The following SYT16 variants were observed in gnomAD, a reference collection of about 807,000 sequenced individuals.
SYT16 encodes synaptotagmin 16, also known as synaptotagmin-16.
In SYT16, 42 loss-of-function variants were observed where a neutral mutation model predicts 61.4. The observed-to-expected ratio is 0.68, with a 90% CI of 0.53 to 0.89. SYT16 has a LOEUF of 0.89. SYT16 is among the 40% of genes least tolerant of loss of function. SYT16 has a pLI of 0.00. For synonymous variants in SYT16, 314 were observed against 302.3 expected, an observed-to-expected ratio of 1.04 and a Z score of -0.40; for missense variants, 804 against 807.3, an observed-to-expected ratio of 1.00 and a Z score of 0.05.
intron 1 of SYT16, among the ~76,000 whole-genome samples, chr14:61,884,806 T>C (rs928009035): frequency 2.0e-5 from 3 of 152,148 alleles, no homozygotes; most frequent in Admixed American, 2.0e-4. Flanking sequence ...TTATGTTGAT[T>C]GGGGGATGAA....
intron 1 of SYT16, among the ~76,000 whole-genome samples, chr14:61,905,591 G>C (rs1484827316): frequency 6.6e-6 from 1 of 152,148 alleles, no homozygotes; most frequent in African/African-American, 2.4e-5. Context: ...GTAATTATCT[G>C]CTTGCCTTGC....
At chr14:61,902,095 T>A (rs2048543989) in intron 1 of SYT16, among the ~76,000 whole-genome samples, 1 of 152,200 alleles carries the variant, frequency 6.6e-6, no homozygotes, top group Non-Finnish European at 1.5e-5. Context: ...TCCTATTACC[T>A]GCTGTGCCAA....
At chr14:62,086,820 A>G (rs1415939468) in intron 7 of SYT16, among the ~76,000 whole-genome samples, 7 of 152,250 alleles carry the variant, frequency 4.6e-5, no homozygotes, top group African/African-American at 1.7e-4. Flanking sequence ...GTTGCAATAA[A>G]ACTTAAAATG....
intron 3 of SYT16, among the ~76,000 whole-genome samples, chr14:62,060,913 T>C (rs993857856): frequency 1.3e-5 from 2 of 151,990 alleles, no homozygotes; most frequent in African/African-American, 4.8e-5. Context: ...ATTTGATATT[T>C]ATTGAACTCT....
chr14:61,981,998 A>G (rs1354876995), intron 2 of SYT16, among the ~76,000 whole-genome samples: 2 of 152,158 alleles, frequency 1.3e-5, no homozygotes, highest in African/African-American at 2.4e-5. Context: ...ATACATCACT[A>G]TTTCAAAAGC....
chr14:62,047,937 T>A (rs2055071388), intron 3 of SYT16, among the ~76,000 whole-genome samples: 1 of 151,952 alleles, frequency 6.6e-6, no homozygotes. Context: ...TAAAATTCTC[T>A]TTTTTTTGTT....
intron 1 of SYT16, among the ~76,000 whole-genome samples, chr14:61,854,090 C>G (rs2046701041): frequency 1.3e-5 from 2 of 152,006 alleles, no homozygotes; most frequent in South Asian, 4.2e-4. Context: ...ACACACACCC[C>G]CACCCCAATA....
At chr14:62,006,939 A>AT (rs1318256180) in intron 3 of SYT16, among the ~76,000 whole-genome samples, 1 of 152,166 alleles carries the variant, frequency 6.6e-6, no homozygotes, top group Non-Finnish European at 1.5e-5. Context: ...TTTAGAAACA[A>AT]TCTCGGAACG....
At chr14:61,854,459 C>A (rs2046715197) in intron 1 of SYT16, among the ~76,000 whole-genome samples, 1 of 152,198 alleles carries the variant, frequency 6.6e-6, no homozygotes, top group Admixed American at 6.5e-5. Context: ...CATGCTTATA[C>A]CTCTCTCGGA....
chr14:61,948,770 C>G (rs1429619846), intron 1 of SYT16, among the ~76,000 whole-genome samples: 2 of 152,044 alleles, frequency 1.3e-5, no homozygotes, highest in Admixed American at 6.6e-5. Flanking sequence ...TCTTGAAGAT[C>G]ATAAAAACTT....
chr14:61,909,209 T>A (rs1468355306), intron 1 of SYT16, among the ~76,000 whole-genome samples: 1 of 152,182 alleles, frequency 6.6e-6, no homozygotes, highest in Non-Finnish European at 1.5e-5. Context: ...TACAGGCAAC[T>A]TTTACTTTAT....
intron 3 of SYT16, among the ~76,000 whole-genome samples, chr14:62,061,569 CTG>C (rs2055826368): frequency 6.6e-6 from 1 of 152,028 alleles, no homozygotes; most frequent in African/African-American, 2.4e-5. Flanking sequence ...GTTATGCAAA[CTG>C]TGAGCATAAG....
Position 61,852,664 on chromosome 14 carries a change from T to A in SYT16, c.-325+39854T>A, listed in dbSNP as rs144979123. 3.9e-3 allele frequency among the ~76,000 whole-genome samples: 587 copies of A among 152,300 alleles called. 2 individuals are homozygous for A. The highest frequency in any genetic ancestry group is 0.014 in the African/African-American group (566 of 41,552). ...TTGTTAGCTGTATTCCTAGGTATTT[T>A]ATTCTTTTTGTGGCAATTGTGAGTG... On this transcript the variant is annotated intron_variant, in intron 1 of 7. Coordinates refer to ENST00000683842, the MANE Select transcript of SYT16 (RefSeq NM_001367656.1).
chr14:61,900,070 A>G (rs763543412), intron 1 of SYT16, among the ~76,000 whole-genome samples: 30 of 152,208 alleles, frequency 2.0e-4, no homozygotes, highest in Admixed American at 6.5e-4. Flanking sequence ...TAAGAGAAAG[A>G]AGAAAGAGCT....
chr14:61,911,789 T>C (rs1356291132), intron 1 of SYT16, among the ~76,000 whole-genome samples: 1 of 152,192 alleles, frequency 6.6e-6, no homozygotes, highest in South Asian at 2.1e-4. Context: ...CAATGTTCCA[T>C]TGAACTGGAA....
chr14:62,090,552 G>A (rs1169910911), intron 7 of SYT16, among the ~76,000 whole-genome samples: 2 of 152,152 alleles, frequency 1.3e-5, no homozygotes, highest in East Asian at 3.8e-4. Context: ...GTTAAATATA[G>A]TGTATTAAGA....
chr14:61,950,517 G>T (rs1229775976), intron 1 of SYT16, among the ~76,000 whole-genome samples: 3 of 152,154 alleles, frequency 2.0e-5, no homozygotes, highest in African/African-American at 7.2e-5. Flanking sequence ...AGCCCTTCTG[G>T]GTACAGATGA....
At chr14:61,957,556 G>A (rs2050928239) in intron 1 of SYT16, among the ~76,000 whole-genome samples, 1 of 151,936 alleles carries the variant, frequency 6.6e-6, no homozygotes. Context: ...CATCTATTGA[G>A]ATGATTATGT....
rs533119730 is a variant in SYT16 at position 62,064,767 on chromosome 14, C to A, written c.524-4836C>A. Among the ~76,000 whole-genome samples the A allele has an allele frequency of 1.3e-4, 20 of 152,112 alleles. No individual in the cohort carries two copies. The South Asian group carries it at 4.1e-3, about 32-fold the overall frequency. ...TGTGCCTTAGTTTCTTCATTCATAGCCTGGGGATAATAATAGTACCTACTT... is the reference window on the plus strand; with the variant it reads ...TGTGCCTTAGTTTCTTCATTCATAGACTGGGGATAATAATAGTACCTACTT... On this transcript the variant is annotated intron_variant, in intron 3 of 7. Transcript: ENST00000683842.
Sources: gnomAD v4.1 joint callset for allele counts (sites outside exome capture counted in the v4.1 genomes callset) on GRCh38, gnomAD v4.1.1 for gene constraint, MANE v1.5 for transcripts, NCBI Gene and HGNC (gene_info 2026-07-23, HGNC 2026-07-21) for gene names.